Variants in RMND1 observed in about 807,000 individuals in gnomAD.
The protein encoded by RMND1 is required for meiotic nuclear division 1 homolog.
In RMND1, 41 loss-of-function variants were observed where a neutral mutation model predicts 54.0. The observed-to-expected ratio is 0.76, with a 90% CI of 0.59 to 0.98. The LOEUF (loss-of-function observed/expected upper bound fraction) is 0.98. RMND1 is among the 50% of genes least tolerant of loss of function. The pLI is 0.00. For synonymous variants in RMND1, 183 were observed against 181.7 expected (o/e 1.01, Z -0.06); for missense variants, 457 against 532.0 (o/e 0.86, Z 1.39).
chr6:151,434,990 AG>A (rs1228916121), intron 3 of RMND1, among the ~76,000 whole-genome samples: 1 of 152,036 alleles, frequency 6.6e-6, no homozygotes, highest in Non-Finnish European at 1.5e-5. Flanking sequence ...CTGGGATTAC[AG>A]GCACGTACCA....
intron 10 of RMND1, among the ~76,000 whole-genome samples, chr6:151,413,136 A>G (rs1404336668): frequency 6.6e-6 from 1 of 152,208 alleles, no homozygotes; most frequent in Non-Finnish European, 1.5e-5. Flanking sequence ...ACCACGAGTG[A>G]ACTAGGAAGT....
At chr6:151,423,841 T>C (rs772285547) in intron 6 of RMND1, among the ~76,000 whole-genome samples, 2 of 147,920 alleles carry the variant, frequency 1.4e-5, no homozygotes, top group Non-Finnish European at 3.0e-5. Flanking sequence ...AAAATTTGTA[T>C]ACAAGAAAAC....
intron 6 of RMND1, among the ~76,000 whole-genome samples, chr6:151,426,401 AG>A (rs1208967354): frequency 6.6e-6 from 1 of 152,146 alleles, no homozygotes; most frequent in Non-Finnish European, 1.5e-5. Flanking sequence ...AAAATCAGCT[AG>A]TCTGTTGCCT....
intron 4 of RMND1, among the ~76,000 whole-genome samples, chr6:151,432,557 A>C (rs1780479108): frequency 6.6e-6 from 1 of 152,090 alleles, no homozygotes; most frequent in African/African-American, 2.4e-5. Context: ...CAGTTTCCTC[A>C]GGTGCAAAAT....
rs555660726 is a variant in RMND1, at chr6:151,440,717, A to C, written c.505-4163T>G. ...TCTTAGTTGTGGGTTTCTTCTATTA[A>C]TAGATGAACTTGACGTTTTAGACAC... is the stretch of plus-strand genomic sequence containing the variant. On this transcript the variant is annotated intron_variant, in intron 2 of 11. Transcript: ENST00000444024. Among the ~76,000 whole-genome samples, 3 of 152,318 alleles carry C rather than the reference A, an allele frequency of 2.0e-5. No homozygotes were observed. The South Asian group carries it at 6.2e-4, about 32-fold the overall frequency.
At chr6:151,409,322 G>A (rs1779731709) in intron 10 of RMND1, among the ~76,000 whole-genome samples, 2 of 152,192 alleles carry the variant, frequency 1.3e-5, no homozygotes, top group South Asian at 4.1e-4. Flanking sequence ...GATACTTAGA[G>A]GGAACTAAAA....
chr6:151,442,460 A>G (rs1780808703), intron 2 of RMND1, among the ~76,000 whole-genome samples: 1 of 152,198 alleles, frequency 6.6e-6, no homozygotes, highest in Non-Finnish European at 1.5e-5. Flanking sequence ...CATGCCACTC[A>G]GACCTGCCGT....
At chr6:151,438,371 A>C (rs1447777620) in intron 2 of RMND1, among the ~76,000 whole-genome samples, 1 of 152,202 alleles carries the variant, frequency 6.6e-6, no homozygotes, top group South Asian at 2.1e-4. Flanking sequence ...GCTACAGCTC[A>C]TGTGCTTAGT....
chr6:151,450,556 CCG>C (rs1218450929), intron 1 of RMND1, among the ~76,000 whole-genome samples: 1 of 146,742 alleles, frequency 6.8e-6, no homozygotes, highest in African/African-American at 2.6e-5. Flanking sequence ...GCCCGGCCAG[CCG>C]CCCCGTCCGG....
chr6:151,417,239 A>G (rs764815658), intron 10 of RMND1, 40 bp downstream of exon 10: 1 of 1,577,462 alleles, frequency 6.3e-7, no homozygotes, highest in South Asian at 1.2e-5. Flanking sequence ...TATAGGCGAC[A>G]ACGTGTCTTT....
At position 151,437,293 on chromosome 6, in the gene RMND1, G is replaced by A. The variant is rs376406058; in HGVS notation, c.505-739C>T. Among the ~76,000 whole-genome samples, 109 of 152,276 alleles carry A rather than the reference G, an allele frequency of 7.2e-4. 1 individual carries two copies. The highest frequency in any genetic ancestry group is 2.5e-3 in the African/African-American group (105 of 41,556). On this transcript the variant is annotated intron_variant, in intron 2 of 11. Transcript: ENST00000444024. Reference sequence around the variant, plus strand: ...AAAACTAAATAGAAAATATTACAGTGCATTATTCACAGGAAATGCTATTTT... The same window carrying A: ...AAAACTAAATAGAAAATATTACAGTACATTATTCACAGGAAATGCTATTTT...
chr6:151,422,606 C>CAGAAAGGCATAGAGCA lies in RMND1; in HGVS notation c.938-2_938-1insTGCTCTATGCCTTTCT. 1.4e-6 allele frequency: 2 copies of CAGAAAGGCATAGAGCA among 1,480,256 alleles called. No homozygotes were observed. The highest frequency in any genetic ancestry group is 1.8e-6 in the Non-Finnish European group (2 of 1,090,180). 91.7% of individuals were successfully genotyped at this position (1,480,256 alleles called of 1,614,324 possible). On this transcript the variant is annotated splice_acceptor_variant, in intron 7 of 11. Coordinates refer to ENST00000444024, the MANE Select transcript of RMND1 (RefSeq NM_017909.4). LOFTEE classifies it high-confidence loss of function. ...GATGCTTCCCAAATTGCCAGTTTTA[C>CAGAAAGGCATAGAGCA]TGGGAAAAAAATTAATAATGGAACA...
At chr6:151,412,998 C>T (rs1779898752) in intron 10 of RMND1, among the ~76,000 whole-genome samples, 4 of 146,940 alleles carry the variant, frequency 2.7e-5, no homozygotes, top group African/African-American at 1.0e-4. Context: ...TATCACTCCC[C>T]TACTTGTTCA....
intron 2 of RMND1, among the ~76,000 whole-genome samples, chr6:151,441,118 G>T (rs1780765233): frequency 6.6e-6 from 1 of 152,184 alleles, no homozygotes; most frequent in African/African-American, 2.4e-5. Flanking sequence ...GGCCAAAGAA[G>T]ACATGTTCCA....
At position 151,433,103 on chromosome 6, in the gene RMND1, A is replaced by C. The variant is rs200910807; in HGVS notation, c.689+52T>G. On this transcript the variant is annotated intron_variant, in intron 4 of 11. Coordinates refer to ENST00000444024, the MANE Select transcript of RMND1 (RefSeq NM_017909.4). Reference sequence around the variant, plus strand: ...TATGCCTGCACCTTTAAAGACCACAATTACTTGACCCAAACCCATCATCAC... The same window carrying C: ...TATGCCTGCACCTTTAAAGACCACACTTACTTGACCCAAACCCATCATCAC... 19 of 1,157,552 alleles carry C rather than the reference A, an allele frequency of 1.6e-5. No homozygotes were observed. Among genetic ancestry groups the C allele is most frequent in the Non-Finnish European group, 1.7e-5 (13 of 784,368 alleles). 71.7% of individuals were successfully genotyped at this position (1,157,552 alleles called of 1,614,324 possible). A position where few individuals can be genotyped will look rare whatever the true frequency, so the allele number is the denominator to read the frequency against.
At chr6:151,413,414 G>A (rs936479504) in intron 10 of RMND1, among the ~76,000 whole-genome samples, 9 of 152,170 alleles carry the variant, frequency 5.9e-5, no homozygotes, top group Non-Finnish European at 1.2e-4. Context: ...ATGCCACCAT[G>A]CCCGACTAAT....
At chr6:151,450,612 G>A (rs1293831000) in intron 1 of RMND1, among the ~76,000 whole-genome samples, 9 of 148,612 alleles carry the variant, frequency 6.1e-5, no homozygotes, top group Non-Finnish European at 1.0e-4. Flanking sequence ...CAGCCGCCCC[G>A]TCCGGGAGGT....
At chr6:151,445,194 G>T in intron 2 of RMND1, 114 bp downstream of exon 2, 2 of 1,064,888 alleles carry the variant, frequency 1.9e-6, no homozygotes, top group Non-Finnish European at 2.7e-6. Context: ...TGATGAAGAA[G>T]TCTGAGTGAC....
At chr6:151,434,496 T>G (rs1780543639) in intron 3 of RMND1, among the ~76,000 whole-genome samples, 1 of 151,772 alleles carries the variant, frequency 6.6e-6, no homozygotes, top group Non-Finnish European at 1.5e-5. Flanking sequence ...TAAAATCGAC[T>G]GAAACAACCC....
Sources: allele counts gnomAD v4.1 joint callset (sites outside exome capture counted in the v4.1 genomes callset), GRCh38; gene constraint gnomAD v4.1.1; transcripts MANE v1.5; gene names NCBI Gene and HGNC (gene_info 2026-07-23, HGNC 2026-07-21).